Variants in GGT5 observed in about 807,000 individuals in gnomAD.
GGT5 encodes glutathione hydrolase 5 proenzyme.
GGT5 carries 50 observed loss-of-function variants against 58.1 expected under a neutral mutation model. The ratio of observed to expected loss-of-function variants is 0.86; its 90% confidence interval spans 0.69 to 1.09. The LOEUF (loss-of-function observed/expected upper bound fraction) is 1.09, where lower values mean the gene tolerates loss of function less well. Ranked by LOEUF, GGT5 falls within the 50% of genes least tolerant of loss-of-function variation. The pLI is 0.00. For missense variants in GGT5, 800 were observed against 789.4 expected (o/e 1.01, Z -0.16); for synonymous variants, 370 against 346.1 (o/e 1.07, Z -0.77).
At chr22:24,231,985 C>T in intron 5 of GGT5, 66 bp downstream of exon 5, 1 of 1,382,166 alleles carries the variant, frequency 7.2e-7, no homozygotes, top group Non-Finnish European at 1.0e-6. Flanking sequence ...TGCCCTCAAC[C>T]CCCAGTGCCC....
At chr22:24,234,370 G>A (rs983344997) in intron 1 of GGT5, among the ~76,000 whole-genome samples, 6 of 152,174 alleles carry the variant, frequency 3.9e-5, no homozygotes, top group African/African-American at 1.4e-4. Context: ...AGCCCACCCT[G>A]GGACTCCACT....
rs548424901 is a variant in GGT5 at position 24,224,348 on chromosome 22, C to T, written c.1614+648G>A. ...AACATGGTGAGAGACCCTGTTTCTA[C>T]GAAAAACAAAAAAATAAAAACTATC... On this transcript the variant is annotated intron_variant, in intron 11 of 11. Coordinates refer to ENST00000327365, the MANE Select transcript of GGT5 (RefSeq NM_004121.5). Among the ~76,000 whole-genome samples, 27 of 151,598 alleles carry T rather than the reference C, an allele frequency of 1.8e-4. No individual in the cohort carries two copies. In the South Asian group the frequency reaches 3.1e-3, roughly 18 times the overall value.
chr22:24,220,157 C>T (rs921784770), intron 11 of GGT5, 41 bp from the exon 12 acceptor site: 2 of 1,602,616 alleles, frequency 1.2e-6, no homozygotes, highest in Non-Finnish European at 1.7e-6. Context: ...GAGGGCAGCT[C>T]AGCCCATCTC....
chr22:24,243,734 G>T (rs1163114055), intron 1 of GGT5: 2 of 152,368 alleles, frequency 1.3e-5, no homozygotes, highest in Non-Finnish European at 2.9e-5. Context: ...TGGGCTTCCT[G>T]GAAGAGGGTC....
In GGT5 at chr22:24,225,991, A is replaced by ATG. The variant is rs1354291350; in HGVS notation, c.1229+84_1229+85insCA. Reference sequence around the variant, plus strand: ...AAAAGCAAGGTGCTGCCCCGTGGGGACAAGTGAGGGGACATGGGGCTGGGG... The same window carrying ATG: ...AAAAGCAAGGTGCTGCCCCGTGGGGATGCAAGTGAGGGGACATGGGGCTGGGG... On this transcript the variant is annotated intron_variant, in intron 8 of 11. Transcript: ENST00000327365. The ATG allele has an allele frequency of 3.6e-5, 35 of 960,760 alleles. No individual in the cohort carries two copies. In the African/African-American group the frequency reaches 4.8e-4, roughly 13 times the overall value. The allele number at this position is 960,760 out of a possible 1,614,324, so 59.5% of individuals were successfully genotyped here. A position where few individuals can be genotyped will look rare whatever the true frequency, so the allele number is the denominator to read the frequency against.
chr22:24,230,653 C>T (rs1205884583), intron 6 of GGT5, among the ~76,000 whole-genome samples: 1 of 152,076 alleles, frequency 6.6e-6, no homozygotes, highest in African/African-American at 2.4e-5. Context: ...TATAATCTTC[C>T]TCATTTTCTC....
At chr22:24,226,843 A>G in intron 6 of GGT5, 76 bp from the exon 7 acceptor site, 2 of 1,260,672 alleles carry the variant, frequency 1.6e-6, no homozygotes, top group Non-Finnish European at 1.1e-6. Flanking sequence ...ACCCCCCACC[A>G]CAGAAAGATC....
chr22:24,225,557 G>T lies in GGT5; in HGVS notation c.1325C>A (p.Thr442Asn), dbSNP rs774717334. The T allele has an allele frequency of 1.9e-6, 3 of 1,609,466 alleles. No individual in the cohort carries two copies. Among genetic ancestry groups the T allele is most frequent in the African/African-American group, 1.3e-5 (1 of 74,958 alleles). Reference protein sequence around the residue: ...CERCPRGSGTTPSPVSGDRVG... With the variant: ...CERCPRGSGTNPSPVSGDRVG... ...AGCTTTGTTCTCACCAGGTGAGGGGGTGGTGCCGGAACCCCGGGGGCATCG... is the reference window on the plus strand; with the variant it reads ...AGCTTTGTTCTCACCAGGTGAGGGGTTGGTGCCGGAACCCCGGGGGCATCG... Residue 442 changes from threonine to asparagine, a missense_variant, in exon 9 of 12, where the codon ACC (threonine) becomes AAC (asparagine). Physicochemically the swap from Thr to Asn is moderately conservative, Grantham distance 65. Coordinates refer to ENST00000327365, the MANE Select transcript of GGT5 (RefSeq NM_004121.5).
At position 24,219,787 on chromosome 22, in the gene GGT5, G is replaced by C. The variant is rs1488854447; in HGVS notation, c.*183C>G. 6.6e-6 allele frequency: 4 copies of C among 606,410 alleles called. No homozygotes were observed. The African/African-American group carries it at 7.4e-5, about 11-fold the overall frequency. The allele number at this position is 606,410 out of a possible 1,614,324, so 37.6% of individuals were successfully genotyped here. A position where few individuals can be genotyped will look rare whatever the true frequency, so the allele number is the denominator to read the frequency against. ...AGGACCACCAGGGGCTCTGGGAAAG[G>C]GGGTTAGGGATGAGGCTCAGCCTCT... On this transcript the variant is annotated 3_prime_UTR_variant, in exon 12 of 12. Transcript: ENST00000327365.
intron 6 of GGT5, among the ~76,000 whole-genome samples, chr22:24,228,599 C>T (rs560933257): frequency 1.8e-3 from 277 of 151,558 alleles, no homozygotes; most frequent in African/African-American, 5.8e-3. Flanking sequence ...TACAGGTGCC[C>T]GCCACCACGC....
chr22:24,225,750 C>T, intron 8 of GGT5, 98 bp from the exon 9 acceptor site: 4 of 780,360 alleles, frequency 5.1e-6, no homozygotes, highest in South Asian at 4.4e-5. Context: ...CGTTTTACAG[C>T]TGCCCCGAAG....
Position 24,220,109 on chromosome 22 carries a change from T to G in GGT5, c.1622A>C (p.Gln541Pro), listed in dbSNP as rs780513557. Residue 541 changes from glutamine to proline, a missense_variant, in exon 12 of 12, where the codon CAG becomes CCG. Gln to Pro is a moderately conservative substitution (Grantham distance 76). Transcript: ENST00000327365. ...EYEPNFSQEV[Q>P]RGLQDRGQNQ... ...CTGGCCACGGTCTTGGAGTCCCCTC[T>G]GCACCTCCTGGAGAGGAGAGAAAGC... The G allele has an allele frequency of 4.3e-6, 7 of 1,613,974 alleles. No individual in the cohort carries two copies. In the South Asian group the frequency reaches 6.6e-5, roughly 15 times the overall value.
intron 1 of GGT5, among the ~76,000 whole-genome samples, chr22:24,240,099 CAAAT>C (rs948978220): frequency 6.6e-6 from 1 of 152,006 alleles, no homozygotes; most frequent in African/African-American, 2.4e-5. Flanking sequence ...CAAGAAAAAA[CAAAT>C]AAACAAAAAA....
At position 24,225,415 on chromosome 22, in the gene GGT5, C is replaced by A; in HGVS notation, c.1337-4G>T. On this transcript the variant is annotated splice_polypyrimidine_tract_variant and splice_region_variant and intron_variant, in intron 9 of 11. Coordinates refer to ENST00000327365, the MANE Select transcript of GGT5 (RefSeq NM_004121.5). The stretch of plus-strand genomic sequence containing the variant: ...CCACCCACCCTGTCTCCACTCACTG[C>A]TGAGCAAACAGCGTCTTGGCAAGTG... 6.2e-7 allele frequency: 1 copy of A among 1,605,310 alleles called. No homozygotes were observed. The highest frequency in any genetic ancestry group is 8.5e-7 in the Non-Finnish European group (1 of 1,174,616).
Position 24,244,866 on chromosome 22 carries a change from C to A in GGT5, c.-141G>T, listed in dbSNP as rs1015727544. The stretch of plus-strand genomic sequence containing the variant: ...AACAGGTGGGGGCTGAAGACAGACA[C>A]GAAGATGGATCGACAGATAGGCCAG... On this transcript the variant is annotated 5_prime_UTR_variant, in exon 1 of 12. Transcript: ENST00000327365. 1 of 1,421,814 alleles carries A rather than the reference C, an allele frequency of 7.0e-7. No individual in the cohort carries two copies. The highest frequency in any genetic ancestry group is 1.4e-5 in the African/African-American group (1 of 69,596). 88.1% of individuals were successfully genotyped at this position (1,421,814 alleles called of 1,614,324 possible). A position where few individuals can be genotyped will look rare whatever the true frequency, so the allele number is the denominator to read the frequency against.
In GGT5 at chr22:24,244,542, G is replaced by C; in HGVS notation, c.173+11C>G. 3.7e-6 allele frequency: 6 copies of C among 1,607,546 alleles called. No homozygotes were observed. Among genetic ancestry groups the C allele is most frequent in the Non-Finnish European group, 5.1e-6 (6 of 1,176,426 alleles). ...CAAGGGCCACCCAGCTTCCTCCCAC[G>C]TCTCACTCACCGTCCAATATCCGAG... On this transcript the variant is annotated intron_variant, in intron 1 of 11. Coordinates refer to ENST00000327365, the MANE Select transcript of GGT5 (RefSeq NM_004121.5).
Position 24,244,539 on chromosome 22 carries a change from C to T in GGT5, c.173+14G>A, listed in dbSNP as rs1486743638. On this transcript the variant is annotated intron_variant, in intron 1 of 11. Coordinates refer to ENST00000327365, the MANE Select transcript of GGT5 (RefSeq NM_004121.5). ...TGCCAAGGGCCACCCAGCTTCCTCC[C>T]ACGTCTCACTCACCGTCCAATATCC... 6.2e-7 allele frequency: 1 copy of T among 1,607,308 alleles called. No homozygotes were observed. Among genetic ancestry groups the T allele is most frequent in the African/African-American group, 1.3e-5 (1 of 74,754 alleles).
intron 7 of GGT5, 105 bp downstream of exon 7, chr22:24,226,526 C>T: frequency 7.9e-7 from 1 of 1,261,510 alleles, no homozygotes; most frequent in East Asian, 2.3e-5. Context: ...GAACCACATA[C>T]ATATCCCTCC....
chr22:24,222,873 C>T (rs187720192), intron 11 of GGT5, among the ~76,000 whole-genome samples: 29 of 151,882 alleles, frequency 1.9e-4, no homozygotes, highest in South Asian at 6.3e-4. Context: ...GTCAGGAGAT[C>T]GAGACCATCC....
Sources: allele counts gnomAD v4.1 joint callset (sites outside exome capture counted in the v4.1 genomes callset), GRCh38; gene constraint gnomAD v4.1.1; transcripts MANE v1.5; gene names NCBI Gene and HGNC (gene_info 2026-07-23, HGNC 2026-07-21).